The following MAP4K3 variants were observed in gnomAD, a reference collection of about 807,000 sequenced individuals.
MAP4K3 encodes MAPK/ERK kinase kinase kinase 3.
A neutral mutation model predicts 143.5 loss-of-function variants in MAP4K3; 94 were observed. That is an observed-to-expected ratio of 0.65 (90% CI 0.55 to 0.78). The LOEUF (loss-of-function observed/expected upper bound fraction) is 0.78. Ranked by LOEUF, MAP4K3 falls within the 30% of genes least tolerant of loss-of-function variation. The pLI is 0.00. For synonymous variants in MAP4K3, 416 were observed against 347.2 expected, an observed-to-expected ratio of 1.20 and a Z score of -2.20; for missense variants, 1,077 against 1,068.1, an observed-to-expected ratio of 1.01 and a Z score of -0.12.
In MAP4K3 at chr2:39,373,906, T is replaced by TAAC. The variant is rs570807016; in HGVS notation, c.154+4157_154+4159dup. On this transcript the variant is annotated intron_variant, in intron 2 of 33. Coordinates refer to ENST00000263881, the MANE Select transcript of MAP4K3 (RefSeq NM_003618.4). Reference sequence around the variant, plus strand: ...TGCAAGCACAACAGGGTGACTTTAGTAACAACAACAACAAAAAATCCAATC... The same window carrying TAAC: ...TGCAAGCACAACAGGGTGACTTTAGTAACAACAACAACAACAAAAAATCCAATC... Among the ~76,000 whole-genome samples the TAAC allele has an allele frequency of 6.1e-3, 935 of 152,228 alleles. 13 individuals are homozygous for TAAC. The highest frequency in any genetic ancestry group is 0.021 in the African/African-American group (874 of 41,524).
At chr2:39,348,571 TC>T (rs1665363174) in intron 3 of MAP4K3, among the ~76,000 whole-genome samples, 1 of 152,160 alleles carries the variant, frequency 6.6e-6, no homozygotes, top group Admixed American at 6.6e-5. Context: ...GGAAAGGACT[TC>T]AGTCAATCAG....
intron 6 of MAP4K3, among the ~76,000 whole-genome samples, chr2:39,334,211 T>C (rs910466191): frequency 6.6e-6 from 1 of 152,186 alleles, no homozygotes; most frequent in South Asian, 2.1e-4. Flanking sequence ...TTAGCCACTT[T>C]TGCTTCTTGA....
At chr2:39,268,078 CTT>C (rs1470044801) in intron 26 of MAP4K3, among the ~76,000 whole-genome samples, 4 of 152,058 alleles carry the variant, frequency 2.6e-5, no homozygotes, top group African/African-American at 7.2e-5. Flanking sequence ...TTTTAGAAAT[CTT>C]TGTTTCTCTA....
At chr2:39,435,072 C>G (rs1016099012) in intron 1 of MAP4K3, among the ~76,000 whole-genome samples, 2 of 152,146 alleles carry the variant, frequency 1.3e-5, no homozygotes, top group African/African-American at 4.8e-5. Context: ...ATACATTCAT[C>G]GAGTTTTAGT....
At chr2:39,382,749 A>C (rs1297774394) in intron 1 of MAP4K3, among the ~76,000 whole-genome samples, 1 of 152,214 alleles carries the variant, frequency 6.6e-6, no homozygotes, top group African/African-American at 2.4e-5. Context: ...CTGTATCTTA[A>C]GCTACTGAGG....
At chr2:39,269,117 T>C (rs1226790953) in intron 26 of MAP4K3, among the ~76,000 whole-genome samples, 1 of 151,826 alleles carries the variant, frequency 6.6e-6, no homozygotes, top group African/African-American at 2.4e-5. Context: ...CAAGTCTTTT[T>C]TTTTTTTTAG....
intron 12 of MAP4K3, chr2:39,323,291 A>G (rs953991081): frequency 1.3e-5 from 2 of 152,168 alleles, no homozygotes; most frequent in African/African-American, 4.8e-5. Flanking sequence ...TTTCCCTGCT[A>G]TATGAGAAAG....
At chr2:39,408,682 T>C (rs1030442901) in intron 1 of MAP4K3, among the ~76,000 whole-genome samples, 18 of 145,408 alleles carry the variant, frequency 1.2e-4, no homozygotes, top group African/African-American at 4.6e-4. Flanking sequence ...GGGTGAAGGG[T>C]TTCGAGATAT....
At chr2:39,258,209 G>T in intron 31 of MAP4K3, 139 bp downstream of exon 31, 1 of 679,316 alleles carries the variant, frequency 1.5e-6, no homozygotes, top group Non-Finnish European at 2.4e-6. Context: ...TGGGATTACA[G>T]GCATGAGCCA....
intron 1 of MAP4K3, among the ~76,000 whole-genome samples, chr2:39,433,847 G>GA (rs1286569862): frequency 6.6e-6 from 1 of 151,406 alleles, no homozygotes; most frequent in Non-Finnish European, 1.5e-5. Flanking sequence ...GCATTGGCCT[G>GA]AAAAAAATAA....
At chr2:39,251,243 A>T (rs6712921) in intron 33 of MAP4K3, among the ~76,000 whole-genome samples, 134,908 of 152,168 alleles carry the variant, frequency 0.89, 59,944 homozygotes, top group Non-Finnish European at 0.91. Flanking sequence ...GTAATTTATC[A>T]GGTTGCCCTC....
chr2:39,323,864 T>C (rs1409224158), intron 12 of MAP4K3: 1 of 152,192 alleles, frequency 6.6e-6, no homozygotes, highest in African/African-American at 2.4e-5. Context: ...ATAGTTTTAC[T>C]ATTTTTTCAC....
intron 4 of MAP4K3, among the ~76,000 whole-genome samples, chr2:39,341,812 G>C (rs1373341138): frequency 1.3e-5 from 2 of 152,100 alleles, no homozygotes; most frequent in Admixed American, 1.3e-4. Flanking sequence ...GTTTTGTCAT[G>C]TAAAATAATG....
intron 3 of MAP4K3, among the ~76,000 whole-genome samples, chr2:39,352,510 TA>T (rs1421987458): frequency 6.6e-6 from 1 of 152,228 alleles, no homozygotes. Flanking sequence ...TATAATGATT[TA>T]ATTCTGTTGT....
chr2:39,262,137 T>C (rs1007860016), intron 28 of MAP4K3, among the ~76,000 whole-genome samples: 4 of 152,242 alleles, frequency 2.6e-5, no homozygotes, highest in Non-Finnish European at 5.9e-5. Flanking sequence ...ATGAAGCTAC[T>C]GGATTTGATT....
chr2:39,282,542 T>C lies in MAP4K3; in HGVS notation c.1600A>G (p.Asn534Asp). ...EKKDVPKPIS[N>D]GLPPTPKVHM... ...ACTTTAGGTGTTGGAGGAAGACCAT[T>C]ACTAATAGGCTTCTAGAAAAAGAAC... The change falls in exon 22 of 34, where the codon AAT becomes GAT. Residue 534 changes from asparagine to aspartate, a missense_variant. Physicochemically the swap from Asn to Asp is conservative, Grantham distance 23. Transcript: ENST00000263881. 6.2e-7 allele frequency: 1 copy of C among 1,611,630 alleles called. No homozygotes were observed. The highest frequency in any genetic ancestry group is 8.5e-7 in the Non-Finnish European group (1 of 1,178,562).
At chr2:39,322,592 ATGTGTGTG>A (rs71752304) in intron 12 of MAP4K3, among the ~76,000 whole-genome samples, 5 of 144,720 alleles carry the variant, frequency 3.5e-5, no homozygotes, top group Non-Finnish European at 4.5e-5. Flanking sequence ...GATGTGGTAT[ATGTGTGTG>A]TGTGTGTGTG....
chr2:39,384,370 A>G (rs1029367165), intron 1 of MAP4K3, among the ~76,000 whole-genome samples: 1 of 152,178 alleles, frequency 6.6e-6, no homozygotes, highest in African/African-American at 2.4e-5. Flanking sequence ...ATATGATGAA[A>G]CACCATCTCT....
chr2:39,280,358 T>G lies in MAP4K3; in HGVS notation c.1630-2A>C. 6.3e-7 allele frequency: 1 copy of G among 1,585,730 alleles called. No homozygotes were observed. The highest frequency in any genetic ancestry group is 2.2e-5 in the East Asian group (1 of 44,448). ...AACTTTTGAAAAACATGCACCCATC[T>G]AGGGAAACAAAGAATAACCAATATG... On this transcript the variant is annotated splice_acceptor_variant, in intron 22 of 33. Coordinates refer to ENST00000263881, the MANE Select transcript of MAP4K3 (RefSeq NM_003618.4). LOFTEE classifies it high-confidence loss of function.
Sources: gnomAD v4.1 joint callset for allele counts (sites outside exome capture counted in the v4.1 genomes callset) on GRCh38, gnomAD v4.1.1 for gene constraint, MANE v1.5 for transcripts, NCBI Gene and HGNC (gene_info 2026-07-23, HGNC 2026-07-21) for gene names.